SH3PXD2A: variants seen among roughly 807,000 people sequenced by gnomAD.
The protein encoded by SH3PXD2A is SH3 and PX domain-containing protein 2A.
In SH3PXD2A, 32 loss-of-function variants were observed where a neutral mutation model predicts 115.2. That is an observed-to-expected ratio of 0.28 (90% CI 0.21 to 0.37). The LOEUF (loss-of-function observed/expected upper bound fraction) is 0.37. SH3PXD2A is among the 10% of genes least tolerant of loss of function. The pLI, the probability that SH3PXD2A is intolerant of heterozygous loss-of-function variation, is 1.00. For missense variants in SH3PXD2A, 1,328 were observed against 1,498.7 expected, an observed-to-expected ratio of 0.89 and a Z score of 1.88; for synonymous variants, 610 against 629.1, an observed-to-expected ratio of 0.97 and a Z score of 0.45.
chr10:103,708,159 C>T (rs1317225040), intron 5 of SH3PXD2A, among the ~76,000 whole-genome samples: 1 of 152,224 alleles, frequency 6.6e-6, no homozygotes, highest in Non-Finnish European at 1.5e-5. Flanking sequence ...ATGAGCCTGG[C>T]CTCCTCCCTG....
intron 3 of SH3PXD2A, among the ~76,000 whole-genome samples, chr10:103,744,855 G>C (rs1412050380): frequency 2.6e-5 from 4 of 152,192 alleles, no homozygotes; most frequent in Non-Finnish European, 5.9e-5. Flanking sequence ...GCTGCCTCTG[G>C]CTTGAAGTCT....
intron 13 of SH3PXD2A, among the ~76,000 whole-genome samples, chr10:103,610,438 T>G (rs2036408682): frequency 6.6e-6 from 1 of 152,234 alleles, no homozygotes; most frequent in African/African-American, 2.4e-5. Context: ...GAGGGAGAAT[T>G]CAGTGTTTGG....
chr10:103,760,114 A>C (rs1480869372), intron 3 of SH3PXD2A, among the ~76,000 whole-genome samples: 2 of 152,318 alleles, frequency 1.3e-5, no homozygotes, highest in African/African-American at 4.8e-5. Context: ...GATAGTGTCC[A>C]TCTTGGGAGC....
At chr10:103,687,475 T>G (rs7916654) in intron 6 of SH3PXD2A, among the ~76,000 whole-genome samples, 34,952 of 151,908 alleles carry the variant, frequency 0.23, 4,361 homozygotes, top group East Asian at 0.45. Flanking sequence ...CCTGATGCAG[T>G]TGTTTCCCAG....
intron 8 of SH3PXD2A, among the ~76,000 whole-genome samples, chr10:103,657,459 G>A (rs1039516291): frequency 3.9e-5 from 6 of 152,212 alleles, no homozygotes; most frequent in African/African-American, 9.6e-5. Context: ...TATGTCAAGG[G>A]TAGAGGGGTT....
chr10:103,758,140 C>G (rs2038663118), intron 3 of SH3PXD2A, among the ~76,000 whole-genome samples: 1 of 152,258 alleles, frequency 6.6e-6, no homozygotes, highest in African/African-American at 2.4e-5. Flanking sequence ...CTCACAAACA[C>G]ACAGGTGGAG....
intron 1 of SH3PXD2A, among the ~76,000 whole-genome samples, chr10:103,808,337 C>T (rs1012279008): frequency 2.0e-5 from 3 of 151,960 alleles, no homozygotes; most frequent in South Asian, 2.1e-4. Context: ...CTGCAACCTC[C>T]GCCTCCTGGG....
chr10:103,637,797 G>C (rs372273275), intron 8 of SH3PXD2A, among the ~76,000 whole-genome samples: 1 of 152,134 alleles, frequency 6.6e-6, no homozygotes, highest in Non-Finnish European at 1.5e-5. Flanking sequence ...TGGCACCAGC[G>C]CTGCCTACCT....
chr10:103,622,692 C>T, intron 9 of SH3PXD2A, 139 bp from the exon 10 acceptor site: 1 of 653,146 alleles, frequency 1.5e-6, no homozygotes, highest in Non-Finnish European at 2.8e-6. Context: ...ATCACCTGGA[C>T]TGAACCAAAG....
chr10:103,768,719 T>C (rs1295324312), intron 2 of SH3PXD2A, among the ~76,000 whole-genome samples: 1 of 152,160 alleles, frequency 6.6e-6, no homozygotes, highest in East Asian at 1.9e-4. Flanking sequence ...GACCAAGGTG[T>C]TAGCACTGGA....
chr10:103,810,565 G>A (rs975478751), intron 1 of SH3PXD2A, among the ~76,000 whole-genome samples: 2 of 152,154 alleles, frequency 1.3e-5, no homozygotes, highest in Non-Finnish European at 2.9e-5. Context: ...GCTTAGGCAA[G>A]TGTCTTAGAC....
intron 12 of SH3PXD2A, among the ~76,000 whole-genome samples, chr10:103,612,553 T>G (rs1360179702): frequency 1.3e-5 from 2 of 152,206 alleles, no homozygotes; most frequent in Admixed American, 6.5e-5. Context: ...TTGGAACGCG[T>G]GTATCTGCAG....
At chr10:103,668,198 C>T (rs945980814) in intron 7 of SH3PXD2A, among the ~76,000 whole-genome samples, 2 of 152,240 alleles carry the variant, frequency 1.3e-5, no homozygotes, top group Admixed American at 1.3e-4. Context: ...CTCACTGAGA[C>T]GGCCAATTGA....
rs117111021 is a variant in SH3PXD2A at position 103,712,329 on chromosome 10, G to A, written c.398+11941C>T. Among the ~76,000 whole-genome samples the A allele has an allele frequency of 1.8e-3, 272 of 152,296 alleles. 1 individual carries two copies. The highest frequency in any genetic ancestry group is 0.014 in the Middle Eastern group (4 of 294). ...TGGGGTTTTGCACGTAGCCATCTGC[G>A]TGCCCTCTGGACCCATGACCAAATG... On this transcript the variant is annotated intron_variant, in intron 5 of 14. Coordinates refer to ENST00000369774, the MANE Select transcript of SH3PXD2A (RefSeq NM_001394015.1).
chr10:103,796,859 C>CTTTTTT (rs11352709), intron 2 of SH3PXD2A, among the ~76,000 whole-genome samples: 9 of 114,126 alleles, frequency 7.9e-5, no homozygotes, highest in Non-Finnish European at 1.4e-4. Flanking sequence ...TTTGGAACAT[C>CTTTTTT]TTTTTTTTTT....
rs2036245263 is a variant in SH3PXD2A, at chr10:103,603,115, G to A, written c.2103C>T (p.Cys701=). ...SSSITINTTC[C]SSSSSSSSSL... ...AAGAGGAGGAGGAGGAAGAGGAGGA[G>A]CAGCAAGTGGTGTTGATGGTGATGG... is the stretch of plus-strand genomic sequence containing the variant. The change falls in exon 15 of 15, where the codon TGC becomes TGT. Residue 701 remains cysteine, a synonymous_variant. Coordinates refer to ENST00000369774, the MANE Select transcript of SH3PXD2A (RefSeq NM_001394015.1). 2 of 1,613,184 alleles carry A rather than the reference G, an allele frequency of 1.2e-6. No individual in the cohort carries two copies. The highest frequency in any genetic ancestry group is 1.3e-5 in the African/African-American group (1 of 75,072).
At chr10:103,791,812 G>T (rs1209399070) in intron 2 of SH3PXD2A, among the ~76,000 whole-genome samples, 1 of 152,034 alleles carries the variant, frequency 6.6e-6, no homozygotes, top group African/African-American at 2.4e-5. Context: ...GGGGAAAAAA[G>T]ATCAACCCAA....
In SH3PXD2A at chr10:103,597,899, C is replaced by T. The variant is rs2036157618; in HGVS notation, c.*3917G>A. The T allele has an allele frequency of 1.3e-5, 2 of 152,318 alleles. No homozygotes were observed. The highest frequency in any genetic ancestry group is 4.8e-5 in the African/African-American group (2 of 41,392). 9.4% of individuals were successfully genotyped at this position (152,318 alleles called of 1,614,324 possible). A position where few individuals can be genotyped will look rare whatever the true frequency, so the allele number is the denominator to read the frequency against. ...AATAGGGGTTATTTTATCTTTTTCC[C>T]CTTATTAAAAACAAGAACTACCAAA... On this transcript the variant is annotated 3_prime_UTR_variant, in exon 15 of 15. Coordinates refer to ENST00000369774, the MANE Select transcript of SH3PXD2A (RefSeq NM_001394015.1).
intron 8 of SH3PXD2A, among the ~76,000 whole-genome samples, chr10:103,632,227 C>T (rs1330072520): frequency 6.6e-6 from 1 of 152,186 alleles, no homozygotes; most frequent in African/African-American, 2.4e-5. Flanking sequence ...CTCTCTACCA[C>T]TGCACTCTCA....
Sources: gnomAD v4.1 joint callset for allele counts (sites outside exome capture counted in the v4.1 genomes callset) on GRCh38, gnomAD v4.1.1 for gene constraint, MANE v1.5 for transcripts, NCBI Gene and HGNC (gene_info 2026-07-23, HGNC 2026-07-21) for gene names.